Variants in SNAP25 observed in about 807,000 individuals in gnomAD.
SNAP25 encodes the protein synaptosomal-associated protein 25.
Under a neutral mutation model 28.7 loss-of-function variants are expected in SNAP25, and 3 were observed. The ratio of observed to expected loss-of-function variants is 0.10; its 90% CI spans 0.05 to 0.27. The LOEUF is 0.27. SNAP25 is among the 10% of genes least tolerant of loss of function. The pLI is 1.00. For missense variants in SNAP25, 117 were observed against 278.7 expected (o/e 0.42, Z 4.13); for synonymous variants, 61 against 88.1 (o/e 0.69, Z 1.72).
rs954207237 is a variant in SNAP25, at chr20:10,269,432, C to G, written c.-63-5997C>G. Among the ~76,000 whole-genome samples the G allele has an allele frequency of 1.1e-4, 17 of 152,174 alleles. No individual in the cohort carries two copies. In the South Asian group the frequency reaches 1.5e-3, roughly 13 times the overall value. The stretch of plus-strand genomic sequence containing the variant: ...TAAAAAATTAAAAATAAACTATGTT[C>G]CAGAAAACACTAACCCCACCTTAGA... On this transcript the variant is annotated intron_variant, in intron 1 of 7. Transcript: ENST00000254976.
At chr20:10,280,448 C>T (rs2063760623) in intron 3 of SNAP25, among the ~76,000 whole-genome samples, 1 of 152,012 alleles carries the variant, frequency 6.6e-6, no homozygotes. Context: ...TGCCTAACTC[C>T]GGGATAGGAA....
chr20:10,254,460 T>C (rs575842213), intron 1 of SNAP25, among the ~76,000 whole-genome samples: 3 of 152,278 alleles, frequency 2.0e-5, no homozygotes, highest in Admixed American at 6.5e-5. Flanking sequence ...ACAAATTCCC[T>C]TTACATAGAC....
chr20:10,252,148 G>A (rs2063240584), intron 1 of SNAP25, among the ~76,000 whole-genome samples: 1 of 152,218 alleles, frequency 6.6e-6, no homozygotes, highest in Non-Finnish European at 1.5e-5. Flanking sequence ...AAACTCAGTA[G>A]AGGCAATGCA....
At chr20:10,248,206 T>C (rs2069050376) in intron 1 of SNAP25, among the ~76,000 whole-genome samples, 1 of 152,166 alleles carries the variant, frequency 6.6e-6, no homozygotes, top group African/African-American at 2.4e-5. Flanking sequence ...CAACAAAAAG[T>C]ATACTTGGCT....
At chr20:10,245,876 G>C (rs949505977) in intron 1 of SNAP25, among the ~76,000 whole-genome samples, 4 of 152,156 alleles carry the variant, frequency 2.6e-5, no homozygotes, top group African/African-American at 9.7e-5. Context: ...GTCCCATCTT[G>C]TCACCATATA....
chr20:10,284,238 C>T (rs1488387336), intron 3 of SNAP25, among the ~76,000 whole-genome samples: 1 of 152,104 alleles, frequency 6.6e-6, no homozygotes, highest in African/African-American at 2.4e-5. Context: ...CTGAAAACCT[C>T]AACCCCCACC....
chr20:10,306,462 T>C lies in SNAP25; in HGVS notation c.*265T>C. The C allele has an allele frequency of 2.8e-6, 1 of 356,104 alleles. No individual in the cohort carries two copies. Among genetic ancestry groups the C allele is most frequent in the Non-Finnish European group, 5.1e-6 (1 of 195,576 alleles). The allele number at this position is 356,104 out of a possible 1,614,324, so 22.1% of individuals were successfully genotyped here. Reference sequence around the variant, plus strand: ...GTCTTGAGTTTCATTTTTCATTTTCTCTCCTCGGTGGCATTTGCTGAATAA... The same window carrying C: ...GTCTTGAGTTTCATTTTTCATTTTCCCTCCTCGGTGGCATTTGCTGAATAA... On this transcript the variant is annotated 3_prime_UTR_variant, in exon 8 of 8. Coordinates refer to ENST00000254976, the MANE Select transcript of SNAP25 (RefSeq NM_130811.4).
At chr20:10,236,834 G>A (rs182106331) in intron 1 of SNAP25, among the ~76,000 whole-genome samples, 49 of 152,096 alleles carry the variant, frequency 3.2e-4, no homozygotes, top group African/African-American at 1.1e-3. Context: ...CTGATACCTG[G>A]CTGTACATTT....
chr20:10,223,862 A>G (rs1398835255), intron 1 of SNAP25, among the ~76,000 whole-genome samples: 1 of 152,210 alleles, frequency 6.6e-6, no homozygotes, highest in African/African-American at 2.4e-5. Flanking sequence ...TTTCTAAATA[A>G]ATAGTGCAAC....
chr20:10,252,896 C>T (rs1291633852), intron 1 of SNAP25, among the ~76,000 whole-genome samples: 1 of 151,360 alleles, frequency 6.6e-6, no homozygotes, highest in Non-Finnish European at 1.5e-5. Flanking sequence ...TTAAACCTCC[C>T]TGAGGCTCAG....
chr20:10,224,257 C>CTTTGTTT (rs2062690304), intron 1 of SNAP25, among the ~76,000 whole-genome samples: 1 of 17,416 alleles, frequency 5.7e-5, no homozygotes, highest in Non-Finnish European at 9.5e-5. Context: ...ATGTACATGT[C>CTTTGTTT]TTTTTTTTTT....
At chr20:10,299,198 T>C (rs2064179562) in intron 6 of SNAP25, 70 bp from the exon 7 acceptor site, 2 of 1,538,476 alleles carry the variant, frequency 1.3e-6, no homozygotes, top group Non-Finnish European at 1.8e-6. Context: ...ATTTCCACTA[T>C]GCTTTGGGTC....
At chr20:10,240,292 G>A (rs985639196) in intron 1 of SNAP25, among the ~76,000 whole-genome samples, 4 of 152,096 alleles carry the variant, frequency 2.6e-5, no homozygotes, top group Non-Finnish European at 4.4e-5. Flanking sequence ...AGGAAGGGCC[G>A]GTCCTTCTTT....
chr20:10,251,201 G>A (rs182092670), intron 1 of SNAP25, among the ~76,000 whole-genome samples: 1 of 152,202 alleles, frequency 6.6e-6, no homozygotes. Flanking sequence ...CTGGTGGAGT[G>A]ACCTGTCAAA....
At chr20:10,291,652 T>C (rs1383624953) in intron 4 of SNAP25, among the ~76,000 whole-genome samples, 1 of 152,228 alleles carries the variant, frequency 6.6e-6, no homozygotes, top group East Asian at 1.9e-4. Context: ...TTAGTTTTTT[T>C]GGAAGCACAA....
At chr20:10,272,480 T>A (rs2063612696) in intron 1 of SNAP25, among the ~76,000 whole-genome samples, 1 of 152,146 alleles carries the variant, frequency 6.6e-6, no homozygotes, top group Non-Finnish European at 1.5e-5. Context: ...GGAGGGTAGA[T>A]CCCCGGTCAC....
intron 1 of SNAP25, among the ~76,000 whole-genome samples, chr20:10,250,889 T>A (rs2063214943): frequency 6.6e-6 from 1 of 152,214 alleles, no homozygotes; most frequent in Admixed American, 6.5e-5. Flanking sequence ...AGTAACATGC[T>A]AAACAGATTT....
intron 1 of SNAP25, among the ~76,000 whole-genome samples, chr20:10,230,930 T>C (rs571991283): frequency 2.0e-5 from 3 of 152,272 alleles, no homozygotes; most frequent in Non-Finnish European, 2.9e-5. Context: ...GGCTCCTTTA[T>C]TGTGCTTTGT....
At chr20:10,249,257 T>C (rs2063183151) in intron 1 of SNAP25, among the ~76,000 whole-genome samples, 1 of 152,210 alleles carries the variant, frequency 6.6e-6, no homozygotes, top group Admixed American at 6.5e-5. Context: ...ATTCAATCCC[T>C]TGGCAAGGAG....
Sources: gnomAD v4.1 joint callset for allele counts (sites outside exome capture counted in the v4.1 genomes callset) on GRCh38, gnomAD v4.1.1 for gene constraint, MANE v1.5 for transcripts, NCBI Gene and HGNC (gene_info 2026-07-23, HGNC 2026-07-21) for gene names.